GRM1: variants seen among roughly 807,000 people sequenced by gnomAD.
GRM1 encodes the protein metabotropic glutamate receptor 1.
A neutral mutation model predicts 90.9 loss-of-function variants in GRM1; 33 were observed. The observed-to-expected ratio is 0.36, with a 90% CI of 0.28 to 0.49. The LOEUF (loss-of-function observed/expected upper bound fraction) is 0.49. Among genes scored for constraint, GRM1 ranks in the 20% least tolerant of loss-of-function variants. The pLI, the probability that GRM1 is intolerant of heterozygous loss-of-function variation, is 0.99. For synonymous variants in GRM1, 700 were observed against 613.2 expected, an observed-to-expected ratio of 1.14 and a Z score of -2.09; for missense variants, 1,190 against 1,534.3, an observed-to-expected ratio of 0.78 and a Z score of 3.75.
chr6:146,290,999 A>C (rs932450574), intron 2 of GRM1, among the ~76,000 whole-genome samples: 1 of 152,200 alleles, frequency 6.6e-6, no homozygotes, highest in African/African-American at 2.4e-5. Context: ...AAATGTCTAC[A>C]TCATAATTTC....
At chr6:146,392,029 A>G (rs566876599) in intron 6 of GRM1, among the ~76,000 whole-genome samples, 4 of 152,228 alleles carry the variant, frequency 2.6e-5, no homozygotes, top group East Asian at 3.9e-4. Context: ...CAACTTTATG[A>G]TTATCCTTGG....
At chr6:146,176,093 A>C (rs1349577461) in intron 2 of GRM1, among the ~76,000 whole-genome samples, 2 of 152,142 alleles carry the variant, frequency 1.3e-5, no homozygotes, top group Non-Finnish European at 2.9e-5. Context: ...CGCCCTTTCA[A>C]CAGTGCTTTA....
In GRM1 at chr6:146,434,592, G is replaced by A. The variant is rs77895673; in HGVS notation, c.3381G>A (p.Glu1127=). ...GNTEEDELEE[E]EEDLQAASKL... is the part of the protein sequence containing the mutation. ...CGGAAGAAGACGAACTGGAAGAGGA[G>A]GAGGAGGACCTGCAGGCGGCCAGCA... Residue 1127 remains glutamate (E), a synonymous_variant, in exon 8 of 8, where the codon GAG becomes GAA. Coordinates refer to ENST00000282753, the MANE Select transcript of GRM1 (RefSeq NM_001278064.2). The A allele has an allele frequency of 3.3e-5, 53 of 1,613,906 alleles. No homozygotes were observed. In the East Asian group the frequency reaches 1.1e-3, roughly 33 times the overall value.
At position 146,058,399 on chromosome 6, in the gene GRM1, G is replaced by C. The variant is rs571923359; in HGVS notation, c.700+28182G>C. Among the ~76,000 whole-genome samples the C allele has an allele frequency of 1.1e-4, 17 of 152,240 alleles. No individual in the cohort carries two copies. The South Asian group carries it at 3.3e-3, about 30-fold the overall frequency. On this transcript the variant is annotated intron_variant, in intron 1 of 7. Coordinates refer to ENST00000282753, the MANE Select transcript of GRM1 (RefSeq NM_001278064.2). Reference sequence around the variant, plus strand: ...TTTACACTATACTATAATTTTTTAAGTGTGAAATAGTATTATGCCTAAAAG... The same window carrying C: ...TTTACACTATACTATAATTTTTTAACTGTGAAATAGTATTATGCCTAAAAG...
At chr6:146,396,541 C>G (rs1184008952) in intron 6 of GRM1, among the ~76,000 whole-genome samples, 2 of 152,110 alleles carry the variant, frequency 1.3e-5, no homozygotes, top group Non-Finnish European at 2.9e-5. Context: ...ACATGTTCCT[C>G]TAATGTTTAT....
At chr6:146,428,545 G>A (rs1778296949) in intron 7 of GRM1, among the ~76,000 whole-genome samples, 1 of 152,094 alleles carries the variant, frequency 6.6e-6, no homozygotes, top group Non-Finnish European at 1.5e-5. Context: ...GTAGAGCTGA[G>A]GAGCATAAAA....
intron 5 of GRM1, among the ~76,000 whole-genome samples, chr6:146,377,890 C>T (rs1776168195): frequency 1.3e-5 from 2 of 151,914 alleles, no homozygotes. Flanking sequence ...TGCCTTAAAC[C>T]TGGTGTTGGG....
At chr6:146,097,605 C>T (rs1452298435) in intron 1 of GRM1, among the ~76,000 whole-genome samples, 1 of 152,192 alleles carries the variant, frequency 6.6e-6, no homozygotes, top group East Asian at 1.9e-4. Flanking sequence ...AAGTTGGGTT[C>T]CAAATTACCT....
intron 1 of GRM1, among the ~76,000 whole-genome samples, chr6:146,036,681 G>A (rs1428152147): frequency 1.3e-5 from 2 of 151,672 alleles, no homozygotes; most frequent in African/African-American, 4.8e-5. Flanking sequence ...TCAATTTTAG[G>A]ATTATCTATT....
chr6:146,189,749 A>G (rs1488514229), intron 2 of GRM1, among the ~76,000 whole-genome samples: 1 of 152,218 alleles, frequency 6.6e-6, no homozygotes, highest in African/African-American at 2.4e-5. Context: ...AAGCAGCGTC[A>G]TGGCTCTCTC....
chr6:146,375,271 A>G (rs1776053719), intron 5 of GRM1, among the ~76,000 whole-genome samples: 1 of 151,974 alleles, frequency 6.6e-6, no homozygotes, highest in African/African-American at 2.4e-5. Flanking sequence ...GAATGTATTA[A>G]TACTTGTTTT....
chr6:146,315,259 C>G (rs1359970068), intron 3 of GRM1, among the ~76,000 whole-genome samples: 1 of 152,066 alleles, frequency 6.6e-6, no homozygotes, highest in Non-Finnish European at 1.5e-5. Context: ...TACTAACATG[C>G]ACCTGTAGTC....
chr6:146,032,114 T>C (rs1325491571), intron 1 of GRM1, among the ~76,000 whole-genome samples: 1 of 152,212 alleles, frequency 6.6e-6, no homozygotes, highest in Non-Finnish European at 1.5e-5. Flanking sequence ...TTTTCACTAA[T>C]TTTGCTGCGA....
chr6:146,124,929 A>G (rs1168492899), intron 1 of GRM1, among the ~76,000 whole-genome samples: 2 of 152,176 alleles, frequency 1.3e-5, no homozygotes, highest in African/African-American at 4.8e-5. Context: ...CCAGTTCCTC[A>G]TTTAAACTAG....
chr6:146,291,861 A>G (rs2114887173), intron 2 of GRM1, among the ~76,000 whole-genome samples: 1 of 152,176 alleles, frequency 6.6e-6, no homozygotes, highest in East Asian at 1.9e-4. Context: ...AACCAAAACA[A>G]TATTGAAACA....
intron 3 of GRM1, among the ~76,000 whole-genome samples, chr6:146,345,586 G>T (rs185761695): frequency 1.9e-4 from 29 of 152,258 alleles, no homozygotes; most frequent in Admixed American, 7.2e-4. Context: ...ACTCAGAAAG[G>T]ACATACCATT....
intron 2 of GRM1, among the ~76,000 whole-genome samples, chr6:146,291,621 G>T (rs367997105): frequency 1.1e-4 from 16 of 151,914 alleles, no homozygotes; most frequent in East Asian, 9.6e-4. Context: ...AACTACAAAA[G>T]ATTGCTAAAA....
intron 5 of GRM1, among the ~76,000 whole-genome samples, chr6:146,379,546 C>T (rs1776241501): frequency 6.6e-6 from 1 of 152,150 alleles, no homozygotes; most frequent in South Asian, 2.1e-4. Flanking sequence ...TGAAAGGTCT[C>T]ATATCTCTGT....
chr6:146,310,405 G>A (rs930524795), intron 3 of GRM1, among the ~76,000 whole-genome samples: 3 of 152,136 alleles, frequency 2.0e-5, no homozygotes, highest in African/African-American at 7.2e-5. Context: ...TAGGTCCTTT[G>A]GTAATAACTT....
Sources: gnomAD v4.1 joint callset for allele counts (sites outside exome capture counted in the v4.1 genomes callset) on GRCh38, gnomAD v4.1.1 for gene constraint, MANE v1.5 for transcripts, NCBI Gene and HGNC (gene_info 2026-07-23, HGNC 2026-07-21) for gene names.